STAT4: variants seen among roughly 807,000 people sequenced by gnomAD.
STAT4 encodes signal transducer and activator of transcription 4.
A neutral mutation model predicts 110.5 loss-of-function variants in STAT4; 42 were observed. The ratio of observed to expected loss-of-function variants is 0.38; its 90% CI spans 0.30 to 0.49. The LOEUF (loss-of-function observed/expected upper bound fraction) is 0.49, where lower values mean the gene tolerates loss of function less well. Among genes scored for constraint, STAT4 ranks in the 20% least tolerant of loss-of-function variants. The pLI is 0.95. For missense variants in STAT4, 632 were observed against 887.9 expected (o/e 0.71, Z 3.66); for synonymous variants, 284 against 302.2 (o/e 0.94, Z 0.63).
chr2:191,043,163 A>G lies in STAT4; in HGVS notation c.1252-2015T>C, dbSNP rs1018836970. ...ATAAAACAAAGATTACATCAGTGTA[A>G]CAAGAATAGAATATTATTGTAAGAA... On this transcript the variant is annotated intron_variant, in intron 14 of 23. Transcript: ENST00000392320. This position sits in a 1 kb window ranked among gnomAD's most constrained non-coding sequence, Gnocchi z 4.8. Among the ~76,000 whole-genome samples the G allele has an allele frequency of 2.0e-5, 3 of 152,246 alleles. No homozygotes were observed. Among genetic ancestry groups the G allele is most frequent in the Admixed American group, 1.3e-4 (2 of 15,288 alleles).
intron 6 of STAT4, among the ~76,000 whole-genome samples, chr2:191,068,872 TA>T (rs1479172969): frequency 2.0e-5 from 3 of 152,100 alleles, no homozygotes; most frequent in African/African-American, 7.2e-5. Flanking sequence ...TTGTAAATCT[TA>T]GGACTTGTAA....
intron 3 of STAT4, among the ~76,000 whole-genome samples, chr2:191,106,434 T>C (rs1480078251): frequency 2.0e-5 from 3 of 150,186 alleles, no homozygotes; most frequent in African/African-American, 7.4e-5. Flanking sequence ...CTGAGGTGAG[T>C]AGATCACCTG....
At chr2:191,145,309 T>C (rs1283446228) in intron 3 of STAT4, among the ~76,000 whole-genome samples, 1 of 152,212 alleles carries the variant, frequency 6.6e-6, no homozygotes, top group African/African-American at 2.4e-5. Context: ...AGAAATATTA[T>C]TTTAAATTTT....
intron 3 of STAT4, among the ~76,000 whole-genome samples, chr2:191,095,785 G>C (rs750577057): frequency 1.3e-5 from 2 of 152,172 alleles, no homozygotes; most frequent in African/African-American, 2.4e-5. Flanking sequence ...GAAAGAGATA[G>C]AGACACACAC....
At position 191,039,145 on chromosome 2, in the gene STAT4, G is replaced by A; in HGVS notation, c.1434+54C>T. On this transcript the variant is annotated intron_variant, in intron 16 of 23. Coordinates refer to ENST00000392320, the MANE Select transcript of STAT4 (RefSeq NM_003151.4). This position sits in a 1 kb window ranked among gnomAD's most constrained non-coding sequence, Gnocchi z 4.7. The stretch of plus-strand genomic sequence containing the variant: ...TGTTTTGATGCAGATGTGTTTGTTG[G>A]CAATAAAACAAATCGAATAGCATTA... The A allele has an allele frequency of 6.6e-7, 1 of 1,510,120 alleles. No homozygotes were observed. The allele number at this position is 1,510,120 out of a possible 1,614,324, so 93.5% of individuals were successfully genotyped here. A position where few individuals can be genotyped will look rare whatever the true frequency, so the allele number is the denominator to read the frequency against.
At chr2:191,103,843 T>C (rs530316018) in intron 3 of STAT4, among the ~76,000 whole-genome samples, 2 of 152,304 alleles carry the variant, frequency 1.3e-5, no homozygotes, top group African/African-American at 4.8e-5. Context: ...TACTAATATG[T>C]TTAATGTCTA....
chr2:191,103,308 G>C (rs183363527), intron 3 of STAT4, among the ~76,000 whole-genome samples: 2 of 152,118 alleles, frequency 1.3e-5, no homozygotes, highest in African/African-American at 4.8e-5. Context: ...AGTTTTACTT[G>C]CCTGATATTG....
intron 3 of STAT4, among the ~76,000 whole-genome samples, chr2:191,129,744 A>G (rs901093731): frequency 6.6e-6 from 1 of 152,220 alleles, no homozygotes; most frequent in Non-Finnish European, 1.5e-5. Context: ...GCTTCCCACC[A>G]CACAATAAGT....
At chr2:191,072,890 C>T (rs1697207224) in intron 5 of STAT4, among the ~76,000 whole-genome samples, 1 of 152,110 alleles carries the variant, frequency 6.6e-6, no homozygotes, top group Non-Finnish European at 1.5e-5. Flanking sequence ...ACCTGAATAG[C>T]CCCATATCAA....
rs1033124037 is a variant in STAT4, at chr2:191,133,029, C to T, written c.273+13584G>A. ...TCGGCCTCCCAAAGTGCTGGGATTA[C>T]AGGCGTGGGCCACTGCGCCTGGCGG... On this transcript the variant is annotated intron_variant, in intron 3 of 23. Transcript: ENST00000392320. 4.6e-5 allele frequency among the ~76,000 whole-genome samples: 7 copies of T among 151,654 alleles called. 1 individual carries two copies. The highest frequency in any genetic ancestry group is 3.3e-4 in the Admixed American group (5 of 15,268).
chr2:191,134,745 T>C (rs1699131479), intron 3 of STAT4, among the ~76,000 whole-genome samples: 1 of 152,090 alleles, frequency 6.6e-6, no homozygotes. Flanking sequence ...TAGACCACAA[T>C]AGAATAAAAC....
chr2:191,124,445 C>G lies in STAT4; in HGVS notation c.273+22168G>C, dbSNP rs183284636. Among the ~76,000 whole-genome samples, 11 of 100,416 alleles carry G rather than the reference C, an allele frequency of 1.1e-4. No individual in the cohort carries two copies. The East Asian group carries it at 2.7e-3, about 24-fold the overall frequency. 65.9% of individuals were successfully genotyped at this position (100,416 alleles called of 152,430 possible). A position where few individuals can be genotyped will look rare whatever the true frequency, so the allele number is the denominator to read the frequency against. ...ACTCCAGCCTGGCGACAGAGTGAGA[C>G]GCCGTCTCAAAAAAAAAAAAAAAAA... On this transcript the variant is annotated intron_variant, in intron 3 of 23. Transcript: ENST00000392320.
chr2:191,079,142 T>C (rs1001914587), intron 3 of STAT4, among the ~76,000 whole-genome samples: 1 of 150,028 alleles, frequency 6.7e-6, no homozygotes, highest in African/African-American at 2.4e-5. Context: ...AATCTTTTTG[T>C]GTTTTTTACT....
intron 14 of STAT4, among the ~76,000 whole-genome samples, chr2:191,045,753 T>C (rs538335465): frequency 6.6e-6 from 1 of 152,220 alleles, no homozygotes; most frequent in Non-Finnish European, 1.5e-5. Context: ...AGTAGATCTT[T>C]GTGATACCTT....
chr2:191,111,039 G>A (rs1698408935), intron 3 of STAT4, among the ~76,000 whole-genome samples: 1 of 152,112 alleles, frequency 6.6e-6, no homozygotes, highest in Non-Finnish European at 1.5e-5. Flanking sequence ...ACTTGCTTCG[G>A]CCTCCCAAAG....
At chr2:191,101,940 A>T (rs757749044) in intron 3 of STAT4, among the ~76,000 whole-genome samples, 2 of 151,440 alleles carry the variant, frequency 1.3e-5, no homozygotes, top group African/African-American at 2.4e-5. Flanking sequence ...TTATTATGTC[A>T]TTATTACATA....
In STAT4 at chr2:191,143,499, G is replaced by A. The variant is rs917932768; in HGVS notation, c.273+3114C>T. On this transcript the variant is annotated intron_variant, in intron 3 of 23. Coordinates refer to ENST00000392320, the MANE Select transcript of STAT4 (RefSeq NM_003151.4). This position sits in a 1 kb window ranked among gnomAD's most constrained non-coding sequence, Gnocchi z 5.6. ...GATGGTGTTTATTGCTTCCACCTTG[G>A]AGCTTCTTGAATTTGCCATCGGGAA... 6.6e-5 allele frequency among the ~76,000 whole-genome samples: 10 copies of A among 152,124 alleles called. No individual in the cohort carries two copies. Among genetic ancestry groups the A allele is most frequent in the African/African-American group, 2.4e-4 (10 of 41,430 alleles).
chr2:191,074,580 C>T, intron 4 of STAT4, among the ~76,000 whole-genome samples: 1 of 152,058 alleles, frequency 6.6e-6, no homozygotes, highest in East Asian at 1.9e-4. Context: ...CGCTCTCTCA[C>T]ACACACACGT....
chr2:191,135,864 C>T lies in STAT4; in HGVS notation c.273+10749G>A, dbSNP rs932381608. Reference sequence around the variant, plus strand: ...GAAGAGGAAGAAATTCTCCCTAGCTCGTTCTATGCCAGCACTACCCTGGTA... The same window carrying T: ...GAAGAGGAAGAAATTCTCCCTAGCTTGTTCTATGCCAGCACTACCCTGGTA... On this transcript the variant is annotated intron_variant, in intron 3 of 23. Transcript: ENST00000392320. The surrounding 1 kb of genome is among the most constrained non-coding windows in gnomAD (Gnocchi z 4.8). 6.6e-5 allele frequency among the ~76,000 whole-genome samples: 10 copies of T among 152,074 alleles called. No individual in the cohort carries two copies. Among genetic ancestry groups the T allele is most frequent in the Non-Finnish European group, 1.2e-4 (8 of 68,016 alleles).
Sources: allele counts gnomAD v4.1 joint callset (sites outside exome capture counted in the v4.1 genomes callset), GRCh38; gene constraint gnomAD v4.1.1; non-coding constraint Gnocchi (gnomAD v3.1); transcripts MANE v1.5; gene names NCBI Gene and HGNC (gene_info 2026-07-23, HGNC 2026-07-21).